The following CCDC180 variants were observed in gnomAD, a reference collection of about 807,000 sequenced individuals.
CCDC180 encodes the protein coiled-coil domain containing 180.
In CCDC180, 154 loss-of-function variants were observed where a neutral mutation model predicts 209.2. That is an observed-to-expected ratio of 0.74 (90% CI 0.65 to 0.84). CCDC180 has a LOEUF of 0.84. CCDC180 is among the 40% of genes least tolerant of loss of function. CCDC180 has a pLI of 0.00. For missense variants in CCDC180, 1,874 were observed against 1,997.3 expected, an observed-to-expected ratio of 0.94 and a Z score of 1.18; for synonymous variants, 778 against 749.1, an observed-to-expected ratio of 1.04 and a Z score of -0.63.
At chr9:97,354,806 A>G in intron 23 of CCDC180, 86 bp from the exon 24 acceptor site, 2 of 1,573,256 alleles carry the variant, frequency 1.3e-6, no homozygotes, top group East Asian at 2.2e-5. Context: ...CCATCCAACC[A>G]TTCACTGGGC....
At chr9:97,358,933 T>G (rs1826670199) in intron 25 of CCDC180, among the ~76,000 whole-genome samples, 1 of 152,220 alleles carries the variant, frequency 6.6e-6, no homozygotes, top group Non-Finnish European at 1.5e-5. Flanking sequence ...TCTTATATAG[T>G]TTATTGCATG....
intron 18 of CCDC180, among the ~76,000 whole-genome samples, chr9:97,334,896 G>A (rs748053261): frequency 4.9e-4 from 74 of 152,118 alleles, no homozygotes; most frequent in Admixed American, 9.2e-4. Flanking sequence ...ACTTTGAATG[G>A]TTATCCATGA....
intron 18 of CCDC180, among the ~76,000 whole-genome samples, chr9:97,342,047 T>C (rs1335855899): frequency 6.6e-6 from 1 of 152,210 alleles, no homozygotes; most frequent in Non-Finnish European, 1.5e-5. Context: ...AGTGTTTAGG[T>C]GGCAGTGTTC....
At chr9:97,309,144 A>G (rs1054002601) in intron 2 of CCDC180, among the ~76,000 whole-genome samples, 7 of 152,202 alleles carry the variant, frequency 4.6e-5, no homozygotes, top group African/African-American at 1.7e-4. Context: ...TGTTTTTCCA[A>G]TTTCTTGTGA....
chr9:97,328,220 T>C, intron 16 of CCDC180, 74 bp downstream of exon 16: 1 of 1,516,750 alleles, frequency 6.6e-7, no homozygotes, highest in South Asian at 1.3e-5. Context: ...TGTTATGATC[T>C]GCCTAGACTT....
At chr9:97,350,061 C>G (rs1291018645) in intron 21 of CCDC180, among the ~76,000 whole-genome samples, 2 of 152,202 alleles carry the variant, frequency 1.3e-5, no homozygotes, top group East Asian at 3.9e-4. Context: ...TCTACTGCCG[C>G]TTTTGCTACC....
intron 36 of CCDC180, 62 bp downstream of exon 36, chr9:97,375,651 G>C: frequency 3.7e-6 from 6 of 1,604,328 alleles, no homozygotes; most frequent in Non-Finnish European, 5.1e-6. Flanking sequence ...GCCTTGGGAA[G>C]GGGGAGCTTC....
At position 97,312,298 on chromosome 9, in the gene CCDC180, G is replaced by A. The variant is rs998872024; in HGVS notation, c.349+97G>A. 8.0e-6 allele frequency: 8 copies of A among 1,006,092 alleles called. No homozygotes were observed. In the Admixed American group the frequency reaches 1.5e-4, roughly 19 times the overall value. The allele number at this position is 1,006,092 out of a possible 1,614,324, so 62.3% of individuals were successfully genotyped here. On this transcript the variant is annotated intron_variant, in intron 4 of 36. Transcript: ENST00000529487. Reference sequence around the variant, plus strand: ...TCTCCTGGCAACTCCTCTGAGGAAGGCCCTGAGCTCCCACTGTGTTCCTCG... The same window carrying A: ...TCTCCTGGCAACTCCTCTGAGGAAGACCCTGAGCTCCCACTGTGTTCCTCG...
At chr9:97,315,142 C>A (rs118094913) in intron 8 of CCDC180, among the ~76,000 whole-genome samples, 196 bp downstream of exon 8, 3,749 of 152,228 alleles carry the variant, frequency 0.025, 84 homozygotes, top group Non-Finnish European at 0.037. Flanking sequence ...TCTCTCTTTT[C>A]AATAGAGATC....
intron 28 of CCDC180, among the ~76,000 whole-genome samples, chr9:97,363,066 C>T (rs534041685): frequency 1.9e-4 from 29 of 152,318 alleles, no homozygotes; most frequent in Middle Eastern, 3.4e-3. Flanking sequence ...GCAGAGCTCC[C>T]AGGGCAGGCA....
Position 97,347,308 on chromosome 9 carries a change from C to G in CCDC180, c.2499-6C>G. On this transcript the variant is annotated splice_region_variant and splice_polypyrimidine_tract_variant and intron_variant, in intron 19 of 36. Transcript: ENST00000529487. ...CAGGGCTGACCCTGGCTGGTCTCGCCCTCAGACTTCGAGCTGGCTTCTTCG... is the reference window on the plus strand; with the variant it reads ...CAGGGCTGACCCTGGCTGGTCTCGCGCTCAGACTTCGAGCTGGCTTCTTCG... The G allele has an allele frequency of 6.5e-7, 1 of 1,535,480 alleles. No individual in the cohort carries two copies. The highest frequency in any genetic ancestry group is 8.7e-7 in the Non-Finnish European group (1 of 1,146,762).
chr9:97,314,473 C>T lies in CCDC180; in HGVS notation c.540C>T (p.Leu180=), dbSNP rs772622156. ...AGTCTGATGAAGAAATGAACCGTCT[C>T]TTCCTAAAGGTGGAAAATGACACCA... ...LTESDEEMNR[L]FLKVENDTNL... Residue 180 remains leucine, a synonymous_variant, in exon 6 of 37, where the codon CTC becomes CTT. Coordinates refer to ENST00000529487, the MANE Select transcript of CCDC180 (RefSeq NM_020893.6). The T allele has an allele frequency of 6.2e-7, 1 of 1,614,156 alleles. No individual in the cohort carries two copies. Among genetic ancestry groups the T allele is most frequent in the South Asian group, 1.1e-5 (1 of 91,076 alleles).
At chr9:97,358,874 C>T (rs1826668314) in intron 25 of CCDC180, among the ~76,000 whole-genome samples, 1 of 152,110 alleles carries the variant, frequency 6.6e-6, no homozygotes, top group Non-Finnish European at 1.5e-5. Context: ...AGTTGCAGTT[C>T]TATTATTAGC....
In CCDC180 at chr9:97,378,370, T is replaced by C. The variant is rs888422983; in HGVS notation, c.*1476T>C. The C allele has an allele frequency of 6.6e-6, 1 of 152,208 alleles. No individual in the cohort carries two copies. The highest frequency in any genetic ancestry group is 1.5e-5 in the Non-Finnish European group (1 of 68,038). The allele number at this position is 152,208 out of a possible 1,614,324, so 9.4% of individuals were successfully genotyped here. On this transcript the variant is annotated 3_prime_UTR_variant, in exon 37 of 37. Transcript: ENST00000529487. Reference sequence around the variant, plus strand: ...CCTATGCCATATCCTTCAGTATTCATTTACATCATTGGTTTTCATACTTTT... The same window carrying C: ...CCTATGCCATATCCTTCAGTATTCACTTACATCATTGGTTTTCATACTTTT...
At chr9:97,321,135 A>G (rs920036684) in intron 11 of CCDC180, among the ~76,000 whole-genome samples, 32 of 152,128 alleles carry the variant, frequency 2.1e-4, no homozygotes, top group African/African-American at 7.7e-4. Context: ...AGGCTAATGT[A>G]TGTTTTCTGA....
At chr9:97,322,378 A>G (rs552722123) in intron 11 of CCDC180, among the ~76,000 whole-genome samples, 1 of 152,362 alleles carries the variant, frequency 6.6e-6, no homozygotes, top group South Asian at 2.1e-4. Flanking sequence ...CATCAGAGTC[A>G]CACTGAGTTT....
At chr9:97,333,981 C>T (rs764911198) in intron 18 of CCDC180, among the ~76,000 whole-genome samples, 5 of 151,742 alleles carry the variant, frequency 3.3e-5, no homozygotes, top group African/African-American at 1.2e-4. Context: ...CTACCACACC[C>T]GGCTAATTTT....
chr9:97,346,719 C>T (rs951022799), intron 19 of CCDC180, among the ~76,000 whole-genome samples: 1 of 152,064 alleles, frequency 6.6e-6, no homozygotes, highest in Non-Finnish European at 1.5e-5. Context: ...GGACCATAGG[C>T]GCATGTCACC....
At chr9:97,345,641 C>T (rs1826237728) in intron 19 of CCDC180, 2 of 409,974 alleles carry the variant, frequency 4.9e-6, no homozygotes, top group Non-Finnish European at 9.5e-6. Context: ...ATTCCAGCTA[C>T]TCAAGAGGCT....
Sources: gnomAD v4.1 joint callset for allele counts (sites outside exome capture counted in the v4.1 genomes callset) on GRCh38, gnomAD v4.1.1 for gene constraint, MANE v1.5 for transcripts, NCBI Gene and HGNC (gene_info 2026-07-23, HGNC 2026-07-21) for gene names.